MYO5B: variants seen among roughly 807,000 people sequenced by gnomAD.
MYO5B encodes myosin VB, also known as unconventional myosin-Vb.
In MYO5B, 143 loss-of-function variants were observed where a neutral mutation model predicts 229.3. The ratio of observed to expected loss-of-function variants is 0.62; its 90% CI spans 0.54 to 0.72. MYO5B has a LOEUF of 0.72. Among genes scored for constraint, MYO5B ranks in the 30% least tolerant of loss-of-function variants. MYO5B has a pLI of 0.00. For missense variants in MYO5B, 2,321 were observed against 2,331.0 expected (o/e 1.00, Z 0.09); for synonymous variants, 918 against 885.2 (o/e 1.04, Z -0.66).
At chr18:50,029,831 A>T (rs2026368824) in intron 4 of MYO5B, among the ~76,000 whole-genome samples, 1 of 152,208 alleles carries the variant, frequency 6.6e-6, no homozygotes, top group African/African-American at 2.4e-5. Context: ...TACTGGGGGC[A>T]GACCCTTGCA....
At chr18:50,145,823 T>C (rs573256119) in intron 1 of MYO5B, among the ~76,000 whole-genome samples, 5 of 152,138 alleles carry the variant, frequency 3.3e-5, no homozygotes, top group Non-Finnish European at 7.3e-5. Context: ...AAAAAATGGA[T>C]GGTTTTCCAT....
intron 8 of MYO5B, among the ~76,000 whole-genome samples, chr18:49,982,581 TCAAA>T (rs945956904): frequency 6.6e-5 from 10 of 152,054 alleles, no homozygotes; most frequent in South Asian, 4.2e-4. Flanking sequence ...CAAAAATCAA[TCAAA>T]CAAACCTAAG....
Position 49,902,738 on chromosome 18 carries a change from G to A in MYO5B, c.2667C>T (p.Val889=), listed in dbSNP as rs768287345. ...TGAGCATCCGGAAGGCACACTGGATGACAATGGCTGCATCCCGCAGCCGCT... is the reference window on the plus strand; with the variant it reads ...TGAGCATCCGGAAGGCACACTGGATAACAATGGCTGCATCCCGCAGCCGCT... ...HFQRLRDAAI[V]IQCAFRMLKA... Residue 889 remains valine, a synonymous_variant, in exon 21 of 40, where the codon GTC becomes GTT. Transcript: ENST00000285039. The A allele has an allele frequency of 3.7e-6, 6 of 1,609,380 alleles. No individual in the cohort carries two copies. The highest frequency in any genetic ancestry group is 5.1e-6 in the Non-Finnish European group (6 of 1,180,010).
At chr18:50,111,858 T>A (rs563961962) in intron 1 of MYO5B, among the ~76,000 whole-genome samples, 1 of 152,332 alleles carries the variant, frequency 6.6e-6, no homozygotes, top group Admixed American at 6.5e-5. Flanking sequence ...CCTCTTCCTA[T>A]AAGGCACCTT....
At chr18:49,974,278 C>T in intron 10 of MYO5B, 72 bp downstream of exon 10, 1 of 1,605,916 alleles carries the variant, frequency 6.2e-7, no homozygotes, top group Admixed American at 1.7e-5. Flanking sequence ...TCCAATGCCC[C>T]TGCTGGCTGT....
chr18:49,889,090 T>C (rs1268700402), intron 22 of MYO5B, among the ~76,000 whole-genome samples: 1 of 152,238 alleles, frequency 6.6e-6, no homozygotes, highest in African/African-American at 2.4e-5. Context: ...CAGACCAAGT[T>C]AAGGAGCCTG....
intron 2 of MYO5B, 35 bp downstream of exon 2, chr18:50,055,233 T>TCCCCCCCCCCCCCCCCCCCCCCCCC: frequency 3.6e-6 from 1 of 279,046 alleles, no homozygotes; most frequent in Non-Finnish European, 7.2e-6. Flanking sequence ...CTGCCCCACC[T>TCCCCCCCCCCCCCCCCCCCCCCCCC]CACCCCCGCC....
At chr18:49,915,122 A>G (rs2024998687) in intron 17 of MYO5B, among the ~76,000 whole-genome samples, 1 of 152,032 alleles carries the variant, frequency 6.6e-6, no homozygotes, top group Non-Finnish European at 1.5e-5. Flanking sequence ...TACCAAAATG[A>G]CATCTCTCCC....
chr18:49,845,537 T>G (rs1274900418), intron 33 of MYO5B, among the ~76,000 whole-genome samples: 1 of 152,200 alleles, frequency 6.6e-6, no homozygotes, highest in Non-Finnish European at 1.5e-5. Context: ...AGCCTCACAT[T>G]TGAGAAGGGT....
At chr18:49,971,670 G>T (rs751990666) in intron 10 of MYO5B, among the ~76,000 whole-genome samples, 17 of 152,202 alleles carry the variant, frequency 1.1e-4, no homozygotes, top group Non-Finnish European at 2.5e-4. Context: ...TCAGACCATT[G>T]AGTAGCATGC....
chr18:49,974,746 G>A (rs2025727261), intron 9 of MYO5B, 131 bp from the exon 10 acceptor site: 2 of 910,140 alleles, frequency 2.2e-6, no homozygotes, highest in Non-Finnish European at 3.2e-6. Flanking sequence ...CAGAATCCCA[G>A]CACATGCCCT....
intron 7 of MYO5B, 73 bp downstream of exon 7, chr18:49,990,366 G>T: frequency 7.7e-7 from 1 of 1,302,618 alleles, no homozygotes; most frequent in Non-Finnish European, 1.1e-6. Flanking sequence ...AGGGCTTTGA[G>T]CAGAGCCCCC....
At chr18:49,970,101 T>C (rs1258584244) in intron 10 of MYO5B, 1 of 152,172 alleles carries the variant, frequency 6.6e-6, no homozygotes, top group East Asian at 1.9e-4. Context: ...GTATAAAGGA[T>C]TACAGACTGC....
At chr18:49,838,633 A>G (rs954815920) in intron 36 of MYO5B, among the ~76,000 whole-genome samples, 11 of 152,168 alleles carry the variant, frequency 7.2e-5, no homozygotes, top group African/African-American at 2.7e-4. Flanking sequence ...GCATCTACAC[A>G]TAATTTTTCT....
intron 1 of MYO5B, among the ~76,000 whole-genome samples, chr18:50,146,574 C>T (rs1255806229): frequency 6.6e-6 from 1 of 152,142 alleles, no homozygotes; most frequent in Non-Finnish European, 1.5e-5. Context: ...CCACCCTGCA[C>T]CTAGATATCT....
intron 16 of MYO5B, among the ~76,000 whole-genome samples, chr18:49,932,580 G>A (rs1372474760): frequency 6.6e-6 from 1 of 152,128 alleles, no homozygotes; most frequent in African/African-American, 2.4e-5. Flanking sequence ...CAGTCTCTCT[G>A]TACCTCATTT....
intron 4 of MYO5B, among the ~76,000 whole-genome samples, chr18:50,022,808 A>G (rs982690014): frequency 2.0e-5 from 3 of 152,290 alleles, no homozygotes; most frequent in Admixed American, 2.0e-4. Flanking sequence ...GGAAGCATCC[A>G]GTGTCCTCAC....
chr18:50,168,459 G>A (rs2032884494), intron 1 of MYO5B, among the ~76,000 whole-genome samples: 2 of 152,254 alleles, frequency 1.3e-5, no homozygotes, highest in African/African-American at 2.4e-5. Flanking sequence ...AAAGAGGAGT[G>A]GAACAGCTGC....
At chr18:49,919,543 A>G (rs1006278762) in intron 17 of MYO5B, among the ~76,000 whole-genome samples, 1 of 152,236 alleles carries the variant, frequency 6.6e-6, no homozygotes, top group Non-Finnish European at 1.5e-5. Context: ...TCTCCAAAGA[A>G]GATGTACAAA....
Sources: allele counts gnomAD v4.1 joint callset (sites outside exome capture counted in the v4.1 genomes callset), GRCh38; gene constraint gnomAD v4.1.1; transcripts MANE v1.5; gene names NCBI Gene and HGNC (gene_info 2026-07-23, HGNC 2026-07-21).